Variants in NTRK3 observed in about 807,000 individuals in gnomAD.
NTRK3 encodes the protein neurotrophic receptor tyrosine kinase 3, also known as NT-3 growth factor receptor.
Under a neutral mutation model 91.7 loss-of-function variants are expected in NTRK3, and 24 were observed. The observed-to-expected ratio is 0.26, with a 90% CI of 0.19 to 0.37. The LOEUF (loss-of-function observed/expected upper bound fraction) is 0.37. Among genes scored for constraint, NTRK3 ranks in the 10% least tolerant of loss-of-function variants. The probability of loss-of-function intolerance (pLI) is 1.00; values close to 1 mark genes in which losing one functional copy is unlikely to be tolerated. For synonymous variants in NTRK3, 483 were observed against 404.0 expected (o/e 1.20, Z -2.34); for missense variants, 880 against 1,068.9 (o/e 0.82, Z 2.46).
chr15:88,051,930 G>C (rs1221147738), intron 13 of NTRK3, among the ~76,000 whole-genome samples: 1 of 152,202 alleles, frequency 6.6e-6, no homozygotes, highest in Non-Finnish European at 1.5e-5. Context: ...ATCAAAGCAA[G>C]AGGACTTAAT....
intron 3 of NTRK3, among the ~76,000 whole-genome samples, chr15:88,187,738 A>G (rs1240978244): frequency 6.6e-6 from 1 of 152,110 alleles, no homozygotes; most frequent in Non-Finnish European, 1.5e-5. Context: ...GTTCGAGACC[A>G]GCCTGGCCAA....
rs56799278 is a variant in NTRK3 at position 88,125,019 on chromosome 15, G to C, written c.1396+1252C>G. Among the ~76,000 whole-genome samples, 1,084 of 152,288 alleles carry C rather than the reference G, an allele frequency of 7.1e-3. 20 individuals carry two copies. The highest frequency in any genetic ancestry group is 0.025 in the African/African-American group (1,034 of 41,566). On this transcript the variant is annotated intron_variant, in intron 13 of 18. Coordinates refer to ENST00000394480, the Ensembl canonical transcript of NTRK3. ...TTTTGAGACAGGGTCTTTCTTTGTT[G>C]CCCAGACCGGAATGCAGTGGTGTGA...
At chr15:88,108,607 A>C (rs2050973698) in intron 13 of NTRK3, among the ~76,000 whole-genome samples, 1 of 152,356 alleles carries the variant, frequency 6.6e-6, no homozygotes, top group East Asian at 1.9e-4. Flanking sequence ...AGAGGATAAA[A>C]GTAAAGCTCA....
chr15:88,138,294 C>T (rs2042067686), intron 6 of NTRK3, among the ~76,000 whole-genome samples: 1 of 151,962 alleles, frequency 6.6e-6, no homozygotes. Context: ...CCTGCAGTCC[C>T]AGCTACTCAG....
At chr15:88,064,545 C>T (rs2046485797) in intron 13 of NTRK3, among the ~76,000 whole-genome samples, 1 of 152,138 alleles carries the variant, frequency 6.6e-6, no homozygotes, top group Admixed American at 6.5e-5. Context: ...GATCATGACA[C>T]TAAGTCTCAT....
chr15:87,937,958 T>A (rs540380291), intron 15 of NTRK3, among the ~76,000 whole-genome samples: 4 of 147,554 alleles, frequency 2.7e-5, no homozygotes, highest in African/African-American at 1.0e-4. Flanking sequence ...GAGTATGAAA[T>A]GACAGAGACG....
intron 17 of NTRK3, among the ~76,000 whole-genome samples, chr15:87,885,014 A>G (rs1222767635): frequency 2.0e-5 from 3 of 151,928 alleles, no homozygotes; most frequent in Non-Finnish European, 4.4e-5. Context: ...TGATATGACT[A>G]TTCAAGACAA....
intron 3 of NTRK3, among the ~76,000 whole-genome samples, chr15:88,201,206 G>A (rs1174744764): frequency 6.6e-6 from 1 of 152,198 alleles, no homozygotes; most frequent in Admixed American, 6.5e-5. Context: ...TGGGAGTGCT[G>A]GCTAGACTCT....
At chr15:88,009,892 G>A (rs775254404) in intron 14 of NTRK3, among the ~76,000 whole-genome samples, 1 of 152,142 alleles carries the variant, frequency 6.6e-6, no homozygotes, top group Non-Finnish European at 1.5e-5. Flanking sequence ...ACTACAGACT[G>A]CTTTTCCTTC....
At chr15:87,911,403 T>C (rs1464417334) in intron 17 of NTRK3, among the ~76,000 whole-genome samples, 4 of 152,204 alleles carry the variant, frequency 2.6e-5, no homozygotes, top group Non-Finnish European at 5.9e-5. Flanking sequence ...AACTTTGAGA[T>C]CATCTTCTGA....
At chr15:88,228,563 C>G (rs1395304021) in intron 3 of NTRK3, among the ~76,000 whole-genome samples, 6 of 152,184 alleles carry the variant, frequency 3.9e-5, no homozygotes, top group Non-Finnish European at 8.8e-5. Context: ...CCACTCAGAT[C>G]CCACCACAGC....
chr15:88,119,044 G>A (rs2052415524), intron 13 of NTRK3, among the ~76,000 whole-genome samples: 1 of 152,192 alleles, frequency 6.6e-6, no homozygotes, highest in Admixed American at 6.5e-5. Context: ...TCTATTTCAA[G>A]GGAATTCCCT....
At chr15:88,181,518 G>A (rs2046456076) in intron 5 of NTRK3, among the ~76,000 whole-genome samples, 1 of 152,100 alleles carries the variant, frequency 6.6e-6, no homozygotes, top group South Asian at 2.1e-4. Context: ...GGGACACCGT[G>A]CCCTAGAAGG....
At chr15:87,924,937 C>T (rs1036954518) in intron 17 of NTRK3, among the ~76,000 whole-genome samples, 1 of 152,118 alleles carries the variant, frequency 6.6e-6, no homozygotes, top group African/African-American at 2.4e-5. Context: ...AGTGTATTGA[C>T]TCCTCTCCCC....
rs1408730040 is a variant in NTRK3 at position 88,137,630 on chromosome 15, G to A, written c.465-69C>T. 18 of 1,540,692 alleles carry A rather than the reference G, an allele frequency of 1.2e-5. No individual in the cohort carries two copies. The Admixed American group carries it at 1.6e-4, about 14-fold the overall frequency. On this transcript the variant is annotated intron_variant, in intron 6 of 18. Transcript: ENST00000394480. ...TGGCCCAGGACCCTCCCAGGGCTAT[G>A]AGGACAAGGGGGACCCGACCTGTTC...
At position 87,952,369 on chromosome 15, in the gene NTRK3, C is replaced by G. The variant is rs76391228; in HGVS notation, c.1586-11616G>C. Among the ~76,000 whole-genome samples, 928 of 152,308 alleles carry G rather than the reference C, an allele frequency of 6.1e-3. 18 individuals carry two copies. The highest frequency in any genetic ancestry group is 0.034 in the East Asian group (175 of 5,160). ...AGCTCCTAGGACACACACGTGCCCC[C>G]CATGAAAGGGCTCTTGCCCTTGCAC... On this transcript the variant is annotated intron_variant, in intron 14 of 18. Coordinates refer to ENST00000394480, the Ensembl canonical transcript of NTRK3.
At chr15:88,112,513 G>A (rs574296522) in intron 13 of NTRK3, among the ~76,000 whole-genome samples, 1 of 140,180 alleles carries the variant, frequency 7.1e-6, no homozygotes, top group Non-Finnish European at 1.5e-5. Flanking sequence ...AGGAAGCGAG[G>A]GACTGCCTTC....
chr15:88,180,834 G>C (rs553778882), intron 5 of NTRK3, among the ~76,000 whole-genome samples: 1 of 152,158 alleles, frequency 6.6e-6, no homozygotes, highest in Non-Finnish European at 1.5e-5. Context: ...AAAGAAACCT[G>C]GCCCATTTGC....
At chr15:88,106,039 G>A (rs2050669199) in intron 13 of NTRK3, among the ~76,000 whole-genome samples, 1 of 152,212 alleles carries the variant, frequency 6.6e-6, no homozygotes, top group South Asian at 2.1e-4. Context: ...GCATTTGTAG[G>A]TGTGTATGTG....
Sources: gnomAD v4.1 joint callset for allele counts (sites outside exome capture counted in the v4.1 genomes callset) on GRCh38, gnomAD v4.1.1 for gene constraint, MANE v1.5 for transcripts, NCBI Gene and HGNC (gene_info 2026-07-23, HGNC 2026-07-21) for gene names.